The following RANBP3L variants were observed in gnomAD, a reference collection of about 807,000 sequenced individuals.
RANBP3L encodes the protein RAN binding protein 3 like, also known as ran-binding protein 3-like.
Under a neutral mutation model 67.2 loss-of-function variants are expected in RANBP3L, and 56 were observed. That is an observed-to-expected ratio of 0.83 (90% CI 0.67 to 1.04). The LOEUF (loss-of-function observed/expected upper bound fraction) is 1.04, where lower values mean the gene tolerates loss of function less well. RANBP3L is among the 50% of genes least tolerant of loss of function. The pLI is 0.00. For synonymous variants in RANBP3L, 164 were observed against 181.4 expected (o/e 0.90, Z 0.77); for missense variants, 496 against 535.5 (o/e 0.93, Z 0.73).
intron 1 of RANBP3L, among the ~76,000 whole-genome samples, chr5:36,282,615 G>A (rs547013327): frequency 1.2e-4 from 18 of 152,248 alleles, no homozygotes; most frequent in African/African-American, 4.3e-4. Context: ...TTTGTCTTGA[G>A]CCTTTGAGCA....
At chr5:36,262,549 T>C (rs1399983393) in intron 6 of RANBP3L, among the ~76,000 whole-genome samples, 1 of 152,122 alleles carries the variant, frequency 6.6e-6, no homozygotes, top group East Asian at 1.9e-4. Flanking sequence ...TACATATGTG[T>C]ATGCACAATA....
intron 1 of RANBP3L, among the ~76,000 whole-genome samples, chr5:36,274,600 C>T (rs1038110401): frequency 2.0e-5 from 3 of 152,154 alleles, no homozygotes; most frequent in African/African-American, 7.2e-5. Context: ...CAAAACAGGG[C>T]TGGAGATGAG....
intron 1 of RANBP3L, among the ~76,000 whole-genome samples, chr5:36,296,137 T>C (rs866470112): frequency 6.6e-6 from 1 of 152,144 alleles, no homozygotes; most frequent in Non-Finnish European, 1.5e-5. Flanking sequence ...TGACCATTTG[T>C]ATACCTTATA....
At chr5:36,275,902 A>G (rs914056428) in intron 1 of RANBP3L, among the ~76,000 whole-genome samples, 3 of 152,290 alleles carry the variant, frequency 2.0e-5, no homozygotes, top group African/African-American at 7.2e-5. Flanking sequence ...AAAGCCTCAT[A>G]AAACCATTTG....
At chr5:36,277,112 A>C (rs1279772613) in intron 1 of RANBP3L, among the ~76,000 whole-genome samples, 1 of 152,242 alleles carries the variant, frequency 6.6e-6, no homozygotes, top group African/African-American at 2.4e-5. Flanking sequence ...AATTGCTACC[A>C]GGACTGGAAT....
intron 8 of RANBP3L, among the ~76,000 whole-genome samples, chr5:36,259,433 G>T (rs1749214561): frequency 6.6e-6 from 1 of 151,882 alleles, no homozygotes; most frequent in African/African-American, 2.4e-5. Context: ...AATACAAAAA[G>T]TTAGCCAGGT....
At chr5:36,272,748 G>T (rs150621476) in intron 1 of RANBP3L, among the ~76,000 whole-genome samples, 2,614 of 152,204 alleles carry the variant, frequency 0.017, 28 homozygotes, top group Non-Finnish European at 0.027. Context: ...GGATTGAAGC[G>T]ATTCTCCTGC....
In RANBP3L at chr5:36,269,435, A is replaced by C. The variant is rs1414751460; in HGVS notation, c.223T>G (p.Ser75Ala). Residue 75 changes from serine to alanine, a missense_variant, in exon 4 of 14, where the codon TCT becomes GCT. Ser to Ala is a moderately conservative substitution (Grantham distance 99, BLOSUM62 1). Coordinates refer to ENST00000296604, the MANE Select transcript of RANBP3L (RefSeq NM_145000.5). ...GTAATATGAAAAGTAAAAGATGAAG[A>C]CCGTACACGCTTTGTTGGAAAACCA... ...CNGFPTKRVR[S>A]SSFTFHITDS... 6.3e-7 allele frequency: 1 copy of C among 1,580,264 alleles called. No homozygotes were observed. Among genetic ancestry groups the C allele is most frequent in the Non-Finnish European group, 8.7e-7 (1 of 1,149,030 alleles).
intron 1 of RANBP3L, among the ~76,000 whole-genome samples, chr5:36,287,976 A>G (rs1751444939): frequency 6.6e-6 from 1 of 152,236 alleles, no homozygotes; most frequent in Admixed American, 6.5e-5. Flanking sequence ...TTACTAGTAG[A>G]GGCCTAGAGG....
intron 1 of RANBP3L, among the ~76,000 whole-genome samples, chr5:36,285,705 GGTA>G (rs1488280464): frequency 2.6e-5 from 4 of 151,996 alleles, no homozygotes; most frequent in Non-Finnish European, 5.9e-5. Flanking sequence ...TTGTACCTCA[GGTA>G]TGGTTACCAG....
At position 36,269,159 on chromosome 5, in the gene RANBP3L, G is replaced by T. The variant is rs1750028371; in HGVS notation, c.268+231C>A. Among the ~76,000 whole-genome samples the T allele has an allele frequency of 3.3e-5, 5 of 152,188 alleles. 1 individual carries two copies. The South Asian group carries it at 1.0e-3, about 32-fold the overall frequency. ...AACTCCTCTACTTAAGATAACCACTGCTATCATTGTGGCTTATGTCCTTTT... is the reference window on the plus strand; with the variant it reads ...AACTCCTCTACTTAAGATAACCACTTCTATCATTGTGGCTTATGTCCTTTT... On this transcript the variant is annotated intron_variant, in intron 4 of 13. Coordinates refer to ENST00000296604, the MANE Select transcript of RANBP3L (RefSeq NM_145000.5).
chr5:36,281,623 C>A (rs1236115046), intron 1 of RANBP3L, among the ~76,000 whole-genome samples: 3 of 152,102 alleles, frequency 2.0e-5, no homozygotes, highest in African/African-American at 7.2e-5. Context: ...GGGACATGAT[C>A]CTATATTGTG....
chr5:36,257,467 G>T lies in RANBP3L; in HGVS notation c.759C>A (p.Asn253Lys), dbSNP rs371570640. Residue 253 changes from asparagine to lysine, a missense_variant, in exon 9 of 14, where the codon AAC becomes AAA. Transcript: ENST00000296604. The part of the protein sequence containing the change: ...PFKSIPKFPV[N>K]FLSSRTDSIK... ...AAGAATTCTTACTTGAACTTAAAAA[G>T]TTGACAGGAAATTTCGGAATGGATT... is the stretch of plus-strand genomic sequence containing the variant. 3.9e-6 allele frequency: 6 copies of T among 1,550,406 alleles called. No individual in the cohort carries two copies. The African/African-American group carries it at 6.8e-5, about 18-fold the overall frequency.
At chr5:36,292,633 C>G (rs1303519159) in intron 1 of RANBP3L, among the ~76,000 whole-genome samples, 6 of 151,988 alleles carry the variant, frequency 3.9e-5, no homozygotes, top group Non-Finnish European at 8.8e-5. Flanking sequence ...AGCCAGTTTT[C>G]CCAGCACCAT....
chr5:36,297,560 T>G (rs1752317831), intron 1 of RANBP3L, among the ~76,000 whole-genome samples: 1 of 152,210 alleles, frequency 6.6e-6, no homozygotes. Flanking sequence ...TTGTAAATTT[T>G]AAAGCACCAT....
At position 36,248,634 on chromosome 5, in the gene RANBP3L, T is replaced by G. The variant is rs1304270147; in HGVS notation, c.*1020A>C. 6.6e-6 allele frequency: 1 copy of G among 152,188 alleles called. No homozygotes were observed. The highest frequency in any genetic ancestry group is 1.5e-5 in the Non-Finnish European group (1 of 68,024). 9.4% of individuals were successfully genotyped at this position (152,188 alleles called of 1,614,324 possible). On this transcript the variant is annotated 3_prime_UTR_variant, in exon 14 of 14. Coordinates refer to ENST00000296604, the MANE Select transcript of RANBP3L (RefSeq NM_145000.5). ...AGAAACATCTTGGAATTATGAATTT[T>G]TATCCCCTAATCAGATAATTGCTTA... is the stretch of plus-strand genomic sequence containing the variant.
chr5:36,255,619 T>C, intron 10 of RANBP3L, 29 bp from the exon 11 acceptor site: 1 of 1,557,110 alleles, frequency 6.4e-7, no homozygotes. Context: ...AAATGTCAAA[T>C]ATATAGAAAA....
chr5:36,285,330 T>G (rs1751245409), intron 1 of RANBP3L, among the ~76,000 whole-genome samples: 3 of 152,206 alleles, frequency 2.0e-5, no homozygotes, highest in Admixed American at 2.0e-4. Flanking sequence ...CTAGTGGAAC[T>G]TATCATCTAA....
At chr5:36,282,524 T>G (rs1751038426) in intron 1 of RANBP3L, among the ~76,000 whole-genome samples, 1 of 152,218 alleles carries the variant, frequency 6.6e-6, no homozygotes, top group African/African-American at 2.4e-5. Context: ...TCTTCATGGA[T>G]TCCAAGGACA....
Sources: gnomAD v4.1 joint callset for allele counts (sites outside exome capture counted in the v4.1 genomes callset) on GRCh38, gnomAD v4.1.1 for gene constraint, MANE v1.5 for transcripts, NCBI Gene and HGNC (gene_info 2026-07-23, HGNC 2026-07-21) for gene names.